The following ATP8A2 variants were observed in gnomAD, a reference collection of about 807,000 sequenced individuals.
The protein encoded by ATP8A2 is phospholipid-transporting ATPase IB.
A neutral mutation model predicts 165.6 loss-of-function variants in ATP8A2; 100 were observed. That is an observed-to-expected ratio of 0.60 (90% CI 0.51 to 0.71). The LOEUF (loss-of-function observed/expected upper bound fraction) is 0.71. Ranked by LOEUF, ATP8A2 falls within the 30% of genes least tolerant of loss-of-function variation. ATP8A2 has a pLI of 0.00. For missense variants in ATP8A2, 1,227 were observed against 1,479.5 expected, an observed-to-expected ratio of 0.83 and a Z score of 2.80; for synonymous variants, 543 against 548.8, an observed-to-expected ratio of 0.99 and a Z score of 0.15.
chr13:25,583,495 A>G (rs1414050448), intron 23 of ATP8A2, among the ~76,000 whole-genome samples: 2 of 152,136 alleles, frequency 1.3e-5, no homozygotes, highest in Non-Finnish European at 2.9e-5. Context: ...CTGGCCCTAG[A>G]CTGAACTACC....
intron 2 of ATP8A2, among the ~76,000 whole-genome samples, chr13:25,524,411 T>A (rs757350234): frequency 5.3e-5 from 8 of 152,156 alleles, no homozygotes; most frequent in African/African-American, 1.4e-4. Flanking sequence ...CAGTGTTCCT[T>A]TGCTGATTTT....
At chr13:25,715,434 A>G (rs1358428293) in intron 25 of ATP8A2, among the ~76,000 whole-genome samples, 2 of 152,228 alleles carry the variant, frequency 1.3e-5, no homozygotes, top group African/African-American at 4.8e-5. Flanking sequence ...TCACTACTAC[A>G]TTCCATTTTA....
intron 24 of ATP8A2, among the ~76,000 whole-genome samples, chr13:25,632,817 A>G (rs1369033877): frequency 6.6e-6 from 1 of 152,162 alleles, no homozygotes; most frequent in Non-Finnish European, 1.5e-5. Flanking sequence ...TTACTCCTCC[A>G]GCTTAGCCGG....
chr13:25,781,327 G>A (rs1293868707), intron 27 of ATP8A2, among the ~76,000 whole-genome samples: 2 of 151,968 alleles, frequency 1.3e-5, no homozygotes, highest in African/African-American at 2.4e-5. Flanking sequence ...AATCCAAAAC[G>A]TTTTCAGTAG....
intron 33 of ATP8A2, among the ~76,000 whole-genome samples, chr13:25,921,228 T>G (rs1285319933): frequency 6.6e-6 from 1 of 152,184 alleles, no homozygotes; most frequent in Non-Finnish European, 1.5e-5. Flanking sequence ...ACAGTGAGGC[T>G]AAAAGACTTT....
chr13:25,609,620 T>C (rs2040627630), intron 24 of ATP8A2, among the ~76,000 whole-genome samples: 2 of 149,392 alleles, frequency 1.3e-5, no homozygotes, highest in African/African-American at 2.4e-5. Flanking sequence ...TAATGTCTTA[T>C]TTTCCTCTGG....
intron 25 of ATP8A2, among the ~76,000 whole-genome samples, chr13:25,714,870 A>C (rs2043223612): frequency 6.6e-6 from 1 of 152,230 alleles, no homozygotes; most frequent in Non-Finnish European, 1.5e-5. Context: ...TACCCATGTA[A>C]GAGAATGCAA....
At chr13:25,780,951 G>A (rs1323922845) in intron 27 of ATP8A2, among the ~76,000 whole-genome samples, 2 of 152,142 alleles carry the variant, frequency 1.3e-5, no homozygotes, top group African/African-American at 4.8e-5. Context: ...TACAGGATAT[G>A]AGAAAAGGCC....
At chr13:25,410,689 T>C (rs921088900) in intron 1 of ATP8A2, among the ~76,000 whole-genome samples, 3 of 152,204 alleles carry the variant, frequency 2.0e-5, no homozygotes, top group Admixed American at 1.3e-4. Context: ...CATCCATAAA[T>C]GGGATGGTCT....
intron 1 of ATP8A2, among the ~76,000 whole-genome samples, chr13:25,424,917 C>T (rs1171228297): frequency 6.6e-6 from 1 of 152,144 alleles, no homozygotes; most frequent in Admixed American, 6.5e-5. Context: ...AAGATTACAC[C>T]ATTACACTCC....
At chr13:25,636,574 A>G (rs2041372749) in intron 24 of ATP8A2, among the ~76,000 whole-genome samples, 1 of 152,132 alleles carries the variant, frequency 6.6e-6, no homozygotes, top group Admixed American at 6.6e-5. Flanking sequence ...ATATCAATGG[A>G]CACAAAACAG....
intron 27 of ATP8A2, among the ~76,000 whole-genome samples, chr13:25,817,766 C>T (rs188385266): frequency 6.6e-6 from 1 of 151,954 alleles, no homozygotes; most frequent in African/African-American, 2.4e-5. Context: ...CAGCCTCAAC[C>T]TCTCTGGCTC....
At chr13:25,868,295 G>A (rs1952572817) in intron 33 of ATP8A2, among the ~76,000 whole-genome samples, 1 of 152,192 alleles carries the variant, frequency 6.6e-6, no homozygotes, top group Non-Finnish European at 1.5e-5. Flanking sequence ...AACACTGAAT[G>A]AGCATATCTT....
chr13:25,803,578 T>C (rs755670923), intron 27 of ATP8A2, among the ~76,000 whole-genome samples: 14 of 152,242 alleles, frequency 9.2e-5, no homozygotes, highest in Non-Finnish European at 1.6e-4. Flanking sequence ...AGTTGTGCAG[T>C]CCAACTCTCG....
chr13:25,946,445 T>C (rs893935210), intron 33 of ATP8A2, among the ~76,000 whole-genome samples: 2 of 152,106 alleles, frequency 1.3e-5, no homozygotes, highest in African/African-American at 4.8e-5. Context: ...TAGTTCAAGG[T>C]TGGGGAATTC....
intron 28 of ATP8A2, among the ~76,000 whole-genome samples, chr13:25,830,893 A>G: frequency 6.6e-6 from 1 of 152,250 alleles, no homozygotes; most frequent in East Asian, 1.9e-4. Flanking sequence ...CAACCGAAGT[A>G]TAATGATCAA....
intron 30 of ATP8A2, among the ~76,000 whole-genome samples, chr13:25,841,796 A>G (rs1242747953): frequency 1.3e-5 from 2 of 152,210 alleles, no homozygotes; most frequent in African/African-American, 4.8e-5. Context: ...TGGGTAATTT[A>G]TAGTGAACAG....
chr13:26,015,725 G>A (rs7329486), intron 36 of ATP8A2, among the ~76,000 whole-genome samples: 7,681 of 152,258 alleles, frequency 0.05, 487 homozygotes, highest in African/African-American at 0.15. Context: ...GGCTGTGGCT[G>A]TTTAAGAAAG....
intron 24 of ATP8A2, among the ~76,000 whole-genome samples, chr13:25,653,457 G>A (rs1299141176): frequency 1.3e-5 from 2 of 152,184 alleles, no homozygotes; most frequent in African/African-American, 2.4e-5. Context: ...CTGGAGGGTG[G>A]AGAGTGAGAG....
Sources: allele counts gnomAD v4.1 joint callset (sites outside exome capture counted in the v4.1 genomes callset), GRCh38; gene constraint gnomAD v4.1.1; transcripts MANE v1.5; gene names NCBI Gene and HGNC (gene_info 2026-07-23, HGNC 2026-07-21).